RELN: variants seen among roughly 807,000 people sequenced by gnomAD.
RELN encodes the protein reelin.
RELN carries 108 observed loss-of-function variants against 427.6 expected under a neutral mutation model. The ratio of observed to expected loss-of-function variants is 0.25; its 90% CI spans 0.22 to 0.30. RELN has a LOEUF of 0.30. Ranked by LOEUF, RELN falls within the 10% of genes least tolerant of loss-of-function variation. The pLI, the probability that RELN is intolerant of heterozygous loss-of-function variation, is 1.00. For missense variants in RELN, 3,715 were observed against 4,302.8 expected, an observed-to-expected ratio of 0.86 and a Z score of 3.82; for synonymous variants, 1,524 against 1,513.4, an observed-to-expected ratio of 1.01 and a Z score of -0.16.
intron 1 of RELN, among the ~76,000 whole-genome samples, chr7:103,946,939 G>A (rs1413756860): frequency 1.3e-5 from 2 of 152,080 alleles, no homozygotes; most frequent in Non-Finnish European, 2.9e-5. Flanking sequence ...AAATGTAAGT[G>A]GTATGCTAAA....
intron 2 of RELN, among the ~76,000 whole-genome samples, chr7:103,851,169 C>T (rs1793812604): frequency 6.6e-6 from 1 of 152,168 alleles, no homozygotes; most frequent in African/African-American, 2.4e-5. Context: ...AAGGAATGAA[C>T]TAACAGCATT....
At chr7:103,812,258 C>G (rs1403842343) in intron 3 of RELN, among the ~76,000 whole-genome samples, 2 of 152,180 alleles carry the variant, frequency 1.3e-5, no homozygotes, top group Non-Finnish European at 2.9e-5. Flanking sequence ...TCCCCAGACC[C>G]TCAGAAACTG....
chr7:103,505,294 C>T (rs950582523), intron 51 of RELN, among the ~76,000 whole-genome samples: 2 of 152,140 alleles, frequency 1.3e-5, no homozygotes, highest in Admixed American at 6.5e-5. Context: ...CAGTAGGGGC[C>T]GACAGACACC....
Position 103,483,803 on chromosome 7 carries a change from C to T in RELN, c.10031G>A (p.Ser3344Asn). 6.2e-7 allele frequency: 1 copy of T among 1,614,066 alleles called. No homozygotes were observed. The highest frequency in any genetic ancestry group is 8.5e-7 in the Non-Finnish European group (1 of 1,179,910). The change falls in exon 62 of 65, where the codon AGC (serine) becomes AAC (asparagine). Residue 3344 changes from serine to asparagine, a missense_variant. Coordinates refer to ENST00000428762, the MANE Select transcript of RELN (RefSeq NM_005045.4). ...LQIGSMSQTD[S>N]CNSDLSGPHA... ...GGGGCCACTCAGGTCACTGTTGCAG[C>T]TGTCCGTCTGCGACATGCTCCCAAT...
At chr7:103,587,130 T>C (rs1332550365) in intron 28 of RELN, among the ~76,000 whole-genome samples, 1 of 152,200 alleles carries the variant, frequency 6.6e-6, no homozygotes, top group African/African-American at 2.4e-5. Flanking sequence ...CTTCAAATTA[T>C]GCTACAAAGC....
rs540146399 is a variant in RELN at position 103,593,534 on chromosome 7, G to A, written c.3912+148C>T. ...CTTTCGAGTAGAGCTGAAAAGCTTC[G>A]CAATTCTAACACTGTTAAGCTTTCG... On this transcript the variant is annotated intron_variant, in intron 27 of 64. Transcript: ENST00000428762. 1.1e-4 allele frequency: 81 copies of A among 726,518 alleles called. No homozygotes were observed. In the East Asian group the frequency reaches 1.6e-3, roughly 14 times the overall value. The allele number at this position is 726,518 out of a possible 1,614,324, so 45.0% of individuals were successfully genotyped here.
rs1584339266 is a variant in RELN, at chr7:103,607,198, A to G, written c.3009-2715T>C. ...AACATGGCACATGTATACATATGTA[A>G]CAAACCTGCACGTTGTGCACATGTA... On this transcript the variant is annotated intron_variant, in intron 22 of 64. Coordinates refer to ENST00000428762, the MANE Select transcript of RELN (RefSeq NM_005045.4). Among the ~76,000 whole-genome samples, 7 of 152,192 alleles carry G rather than the reference A, an allele frequency of 4.6e-5. No individual in the cohort carries two copies. In the South Asian group the frequency reaches 1.2e-3, roughly 27 times the overall value.
At chr7:103,575,262 T>C (rs1026635388) in intron 29 of RELN, among the ~76,000 whole-genome samples, 2 of 152,236 alleles carry the variant, frequency 1.3e-5, no homozygotes, top group African/African-American at 4.8e-5. Context: ...AACCTCAATG[T>C]CTGGCATGAA....
At chr7:103,789,877 T>A (rs1413090750) in intron 3 of RELN, among the ~76,000 whole-genome samples, 2 of 152,192 alleles carry the variant, frequency 1.3e-5, no homozygotes, top group Admixed American at 1.3e-4. Flanking sequence ...TAAAGACACA[T>A]GCACATGTAT....
chr7:103,878,046 AG>A (rs1409772807), intron 2 of RELN, among the ~76,000 whole-genome samples: 1 of 151,896 alleles, frequency 6.6e-6, no homozygotes, highest in African/African-American at 2.4e-5. Context: ...TAGTAGACAT[AG>A]GGTTTTGCCT....
At chr7:103,791,941 G>GA (rs969175684) in intron 3 of RELN, among the ~76,000 whole-genome samples, 1 of 151,720 alleles carries the variant, frequency 6.6e-6, no homozygotes, top group African/African-American at 2.4e-5. Flanking sequence ...TTTATCCAAA[G>GA]AAAAAATACA....
chr7:103,565,410 T>C lies in RELN; in HGVS notation c.5078A>G (p.Asp1693Gly). ...ACACTCTTCGGTGACAAGATGCCAG[T>C]CCTTGCCATTGTTCAGAGAATACTG... Reference protein sequence around the residue: ...QLQYSLNNGKDWHLVTEECVP... With the variant: ...QLQYSLNNGKGWHLVTEECVP... Residue 1693 changes from aspartate (D) to glycine (G), a missense_variant, in exon 34 of 65, where the codon GAC (aspartate) becomes GGC (glycine). By Grantham distance (94) the Asp-to-Gly change is moderately conservative. Around this residue, in one of 4 missense-constraint regions of RELN, gnomAD observed 2,208 missense variants for 2,361.7 expected, o/e 0.93. Coordinates refer to ENST00000428762, the MANE Select transcript of RELN (RefSeq NM_005045.4). The C allele has an allele frequency of 6.2e-7, 1 of 1,614,106 alleles. No homozygotes were observed. Among genetic ancestry groups the C allele is most frequent in the East Asian group, 2.2e-5 (1 of 44,876 alleles).
chr7:103,549,487 G>A (rs1830366658), intron 41 of RELN, among the ~76,000 whole-genome samples: 1 of 152,140 alleles, frequency 6.6e-6, no homozygotes, highest in African/African-American at 2.4e-5. Flanking sequence ...CAAAAATTCA[G>A]GCCATAGCAG....
At chr7:103,621,357 G>A (rs1832214388) in intron 20 of RELN, among the ~76,000 whole-genome samples, 1 of 152,134 alleles carries the variant, frequency 6.6e-6, no homozygotes, top group South Asian at 2.1e-4. Flanking sequence ...GTTGTATTTT[G>A]TAGACATTTA....
chr7:103,894,380 C>G (rs553458991), intron 2 of RELN, among the ~76,000 whole-genome samples: 4 of 152,112 alleles, frequency 2.6e-5, no homozygotes, highest in African/African-American at 9.7e-5. Context: ...CTAAAAGACT[C>G]CCCCAAACAA....
intron 20 of RELN, among the ~76,000 whole-genome samples, chr7:103,629,640 T>TA (rs1562930273): frequency 9.4e-5 from 14 of 148,756 alleles, no homozygotes; most frequent in African/African-American, 1.5e-4. Context: ...GTTTTTTTTT[T>TA]TAAAATATGT....
intron 28 of RELN, among the ~76,000 whole-genome samples, chr7:103,587,901 G>T (rs187790098): frequency 6.6e-6 from 1 of 152,220 alleles, no homozygotes; most frequent in East Asian, 1.9e-4. Context: ...TGTTGGTGAG[G>T]ATATGAAGAA....
Position 103,536,590 on chromosome 7 carries a change from T to C in RELN, c.7181-1106A>G, listed in dbSNP as rs531123884. 5.3e-5 allele frequency among the ~76,000 whole-genome samples: 8 copies of C among 152,360 alleles called. No individual in the cohort carries two copies. In the South Asian group the frequency reaches 1.7e-3, roughly 32 times the overall value. ...CACTGCCCTAAGGTTTCTAGGTAAA[T>C]ACAATGGCCTGGTCTCAGTCTTCAT... On this transcript the variant is annotated intron_variant, in intron 45 of 64. Coordinates refer to ENST00000428762, the MANE Select transcript of RELN (RefSeq NM_005045.4).
At position 103,513,665 on chromosome 7, in the gene RELN, T is replaced by A. The variant is rs192517243; in HGVS notation, c.8119+1520A>T. The A allele has an allele frequency of 9.1e-4, 138 of 152,278 alleles. 1 individual carries two copies. The highest frequency in any genetic ancestry group is 3.3e-3 in the African/African-American group (136 of 41,576). The allele number at this position is 152,278 out of a possible 1,614,324, so 9.4% of individuals were successfully genotyped here. A position where few individuals can be genotyped will look rare whatever the true frequency, so the allele number is the denominator to read the frequency against. ...CCACATGATATACTAATAAATGAAT[T>A]AATGAAATTAACCTAAATATCCAGT... On this transcript the variant is annotated intron_variant, in intron 50 of 64. Transcript: ENST00000428762.
Sources: allele counts gnomAD v4.1 joint callset (sites outside exome capture counted in the v4.1 genomes callset), GRCh38; gene constraint gnomAD v4.1.1; regional missense constraint gnomAD v4.1.1; transcripts MANE v1.5; gene names NCBI Gene and HGNC (gene_info 2026-07-23, HGNC 2026-07-21).